The following ESCO1 variants were observed in gnomAD, a reference collection of about 807,000 sequenced individuals.
The protein encoded by ESCO1 is N-acetyltransferase ESCO1.
A neutral mutation model predicts 83.5 loss-of-function variants in ESCO1; 33 were observed. That is an observed-to-expected ratio of 0.40 (90% CI 0.30 to 0.53). The LOEUF (loss-of-function observed/expected upper bound fraction) is 0.53, where lower values mean the gene tolerates loss of function less well. ESCO1 is among the 20% of genes least tolerant of loss of function. The pLI is 0.63. For synonymous variants in ESCO1, 332 were observed against 324.3 expected (o/e 1.02, Z -0.25); for missense variants, 855 against 968.0 (o/e 0.88, Z 1.55).
intron 8 of ESCO1, chr18:21,540,611 T>C (rs1381937401): frequency 1.5e-6 from 2 of 1,340,906 alleles, no homozygotes; most frequent in African/African-American, 1.5e-5. Flanking sequence ...AGAAGCTACG[T>C]TGTGTGTATC....
chr18:21,595,895 C>T (rs2038759566), intron 1 of ESCO1, among the ~76,000 whole-genome samples: 1 of 151,438 alleles, frequency 6.6e-6, no homozygotes. Flanking sequence ...ACCCAGGAGG[C>T]GGAGCTTGCA....
At chr18:21,577,361 TAAAAA>T (rs1555671990) in intron 2 of ESCO1, among the ~76,000 whole-genome samples, 4 of 52,962 alleles carry the variant, frequency 7.6e-5, no homozygotes, top group African/African-American at 3.1e-4. Context: ...CCATCTTTTT[TAAAAA>T]AAAAAAAAAA....
chr18:21,550,506 T>A (rs1208571671), intron 8 of ESCO1, among the ~76,000 whole-genome samples: 1 of 152,202 alleles, frequency 6.6e-6, no homozygotes. Flanking sequence ...GGATTCACAT[T>A]TTAAGCACTT....
At chr18:21,545,128 TCTCA>T (rs943981924) in intron 8 of ESCO1, among the ~76,000 whole-genome samples, 3 of 152,144 alleles carry the variant, frequency 2.0e-5, no homozygotes, top group Non-Finnish European at 4.4e-5. Context: ...TCAGATGGGG[TCTCA>T]CTATGTTGCC....
At chr18:21,569,869 C>A (rs1281990866) in intron 4 of ESCO1, among the ~76,000 whole-genome samples, 1 of 152,054 alleles carries the variant, frequency 6.6e-6, no homozygotes, top group Admixed American at 6.6e-5. Flanking sequence ...AAAAATACTC[C>A]AAACTCCATC....
intron 4 of ESCO1, among the ~76,000 whole-genome samples, chr18:21,570,747 GT>G (rs1292726139): frequency 6.6e-6 from 1 of 152,078 alleles, no homozygotes; most frequent in East Asian, 1.9e-4. Flanking sequence ...GGGAGGCCGA[GT>G]TGGGAGGATC....
chr18:21,593,630 G>GGAGAGGGAGAGT, intron 1 of ESCO1: 1 of 151,290 alleles, frequency 6.6e-6, no homozygotes, highest in African/African-American at 2.4e-5. Flanking sequence ...AGAGGGAGAG[G>GGAGAGGGAGAGT]GCCACCACAG....
intron 11 of ESCO1, among the ~76,000 whole-genome samples, chr18:21,532,036 C>CT (rs1410472946): frequency 6.6e-6 from 1 of 151,890 alleles, no homozygotes; most frequent in Non-Finnish European, 1.5e-5. Context: ...TTTGATATCT[C>CT]TGACAGTCAA....
intron 1 of ESCO1, among the ~76,000 whole-genome samples, chr18:21,598,738 G>A (rs1021620367): frequency 3.3e-5 from 5 of 151,992 alleles, no homozygotes; most frequent in Non-Finnish European, 4.4e-5. Context: ...TTCACTACAG[G>A]ATTATAATAT....
chr18:21,590,127 G>A (rs990793740), intron 1 of ESCO1, among the ~76,000 whole-genome samples: 23 of 148,490 alleles, frequency 1.5e-4, no homozygotes, highest in African/African-American at 5.7e-4. Context: ...GCGTCCGGCC[G>A]CAAGTCCATC....
intron 1 of ESCO1, among the ~76,000 whole-genome samples, chr18:21,590,339 A>G (rs2038647058): frequency 6.6e-6 from 1 of 150,954 alleles, no homozygotes; most frequent in Non-Finnish European, 1.5e-5. Flanking sequence ...CTCTTGCCTC[A>G]GCCTCCTCAG....
Position 21,574,376 on chromosome 18 carries a change from T to A in ESCO1, c.468A>T (p.Lys156Asn). The change falls in exon 4 of 12, where the codon AAA becomes AAT. Residue 156 changes from lysine (K) to asparagine (N), a missense_variant. Physicochemically the swap from Lys to Asn is moderately conservative, Grantham distance 94. This residue lies in a region of ESCO1 where 726 missense variants were observed against 699.5 expected (regional missense o/e 1.04). Transcript: ENST00000269214. ...TCTGAGTACTGCTACACTGCTCTTT[T>A]TTAGTTGGTGGCAAACTCTGTTTAA... ...QAVKQSLPPT[K>N]KEQCSSTQSK... The A allele has an allele frequency of 6.2e-7, 1 of 1,614,108 alleles. No homozygotes were observed. The highest frequency in any genetic ancestry group is 8.5e-7 in the Non-Finnish European group (1 of 1,180,016).
chr18:21,557,607 T>C (rs755600571), intron 8 of ESCO1, among the ~76,000 whole-genome samples: 13 of 152,236 alleles, frequency 8.5e-5, no homozygotes, highest in Non-Finnish European at 1.8e-4. Flanking sequence ...CTGAGAGTAG[T>C]GCTCTCCACA....
At chr18:21,569,196 A>C (rs1319227933) in intron 4 of ESCO1, among the ~76,000 whole-genome samples, 1 of 152,198 alleles carries the variant, frequency 6.6e-6, no homozygotes, top group South Asian at 2.1e-4. Flanking sequence ...TGTCTGACTT[A>C]CCTATAAAGC....
chr18:21,559,577 C>A (rs191303405), intron 8 of ESCO1, among the ~76,000 whole-genome samples: 17 of 152,288 alleles, frequency 1.1e-4, no homozygotes, highest in Non-Finnish European at 1.9e-4. Flanking sequence ...GAATAATGTA[C>A]ACTGAGTAGA....
intron 8 of ESCO1, among the ~76,000 whole-genome samples, chr18:21,552,225 T>G (rs2038055028): frequency 6.6e-6 from 1 of 152,184 alleles, no homozygotes; most frequent in Non-Finnish European, 1.5e-5. Context: ...TTTCAAAACT[T>G]ACTATAAGGC....
chr18:21,536,058 G>A lies in ESCO1; in HGVS notation c.2171C>T (p.Ala724Val), dbSNP rs1348907053. The part of the protein sequence containing the change: ...NDKKVVGCLI[A>V]EHIQWGYRVI... ...ATCACTTACCCATTGGATATGTTCC[G>A]CAATTAGGCAGCCAACTACTTTTTT... Residue 724 changes from alanine (A) to valine (V), a missense_variant, in exon 10 of 12, where the codon GCG becomes GTG. Ala to Val is a moderately conservative substitution (Grantham distance 64, BLOSUM62 0). This residue lies in a region of ESCO1 where 129 missense variants were observed against 268.5 expected (regional missense o/e 0.48). Transcript: ENST00000269214. 7 of 1,613,830 alleles carry A rather than the reference G, an allele frequency of 4.3e-6. No individual in the cohort carries two copies. The highest frequency in any genetic ancestry group is 5.9e-6 in the Non-Finnish European group (7 of 1,179,882).
chr18:21,534,092 G>A (rs752227764), intron 10 of ESCO1, among the ~76,000 whole-genome samples: 17 of 151,980 alleles, frequency 1.1e-4, no homozygotes, highest in South Asian at 2.1e-4. Flanking sequence ...TTTTAAACAC[G>A]TAGCTTAACA....
At chr18:21,588,823 G>GGA (rs1424474015) in intron 1 of ESCO1, among the ~76,000 whole-genome samples, 1 of 152,090 alleles carries the variant, frequency 6.6e-6, no homozygotes, top group Non-Finnish European at 1.5e-5. Flanking sequence ...GGCTGAGGCG[G>GGA]GAGACTGCAG....
Sources: allele counts gnomAD v4.1 joint callset (sites outside exome capture counted in the v4.1 genomes callset), GRCh38; gene constraint gnomAD v4.1.1; regional missense constraint gnomAD v4.1.1; transcripts MANE v1.5; gene names NCBI Gene and HGNC (gene_info 2026-07-23, HGNC 2026-07-21).